PLIN5: variants seen among roughly 807,000 people sequenced by gnomAD.
PLIN5 encodes the protein perilipin-5.
A neutral mutation model predicts 32.8 loss-of-function variants in PLIN5; 34 were observed. That is an observed-to-expected ratio of 1.04 (90% CI 0.79 to 1.38). The LOEUF is 1.38. Ranked by LOEUF, PLIN5 falls within the 40% of genes most tolerant of loss-of-function variation. The pLI, the probability that PLIN5 is intolerant of heterozygous loss-of-function variation, is 0.00. For missense variants in PLIN5, 712 were observed against 660.5 expected (o/e 1.08, Z -0.85); for synonymous variants, 309 against 292.9 (o/e 1.05, Z -0.56).
In PLIN5 at chr19:4,527,599, G is replaced by C. The variant is rs976913449; in HGVS notation, c.520+1474C>G. ...GGTTGGGCGTGGTGGACTCACGCTT[G>C]TAATCCCAGCACTTTGGGAAGTCAA... On this transcript the variant is annotated intron_variant, in intron 5 of 7. Coordinates refer to ENST00000381848, the MANE Select transcript of PLIN5 (RefSeq NM_001013706.3). 3.6e-5 allele frequency among the ~76,000 whole-genome samples: 5 copies of C among 139,818 alleles called. No homozygotes were observed. The Admixed American group carries it at 3.7e-4, about 10-fold the overall frequency. The allele number at this position is 139,818 out of a possible 152,430, so 91.7% of individuals were successfully genotyped here. A position where few individuals can be genotyped will look rare whatever the true frequency, so the allele number is the denominator to read the frequency against.
In PLIN5 at chr19:4,523,614, C is replaced by CCA; in HGVS notation, c.1304_1305dup (p.Gly436TrpfsTer23). ...TGCTCGCAGATGTCCCCGGCAACAC[C>CCA]CATCCTGTCCCCATCCCCATTCCCA... is the stretch of plus-strand genomic sequence containing the variant. On this transcript the variant is annotated frameshift_variant, in exon 8 of 8. Transcript: ENST00000381848. LOFTEE classifies it low-confidence loss of function (END_TRUNC). This position sits in a 1 kb window ranked among gnomAD's most constrained non-coding sequence, Gnocchi z 5.0. 1 of 1,609,912 alleles carries CCA rather than the reference C, an allele frequency of 6.2e-7. No individual in the cohort carries two copies. Among genetic ancestry groups the CCA allele is most frequent in the South Asian group, 1.1e-5 (1 of 90,050 alleles).
At chr19:4,524,274 G>A (rs1323332933) in intron 7 of PLIN5, among the ~76,000 whole-genome samples, 189 bp from the exon 8 acceptor site, 1 of 152,176 alleles carries the variant, frequency 6.6e-6, no homozygotes, top group African/African-American at 2.4e-5. Flanking sequence ...CAATGGGGCC[G>A]GTCGCGGTGG....
At chr19:4,531,433 A>C (rs1027648524) in intron 3 of PLIN5, among the ~76,000 whole-genome samples, 194 bp downstream of exon 3, 2 of 152,134 alleles carry the variant, frequency 1.3e-5, no homozygotes, top group Non-Finnish European at 1.5e-5. Context: ...ATGAGCCACC[A>C]TGCCTGGCTG....
rs774839369 is a variant in PLIN5, at chr19:4,525,079, G to A, written c.721-3C>T. 3.0e-6 allele frequency: 4 copies of A among 1,316,928 alleles called. 1 individual carries two copies. The Admixed American group carries it at 1.1e-4, about 36-fold the overall frequency. 81.6% of individuals were successfully genotyped at this position (1,316,928 alleles called of 1,614,324 possible). A position where few individuals can be genotyped will look rare whatever the true frequency, so the allele number is the denominator to read the frequency against. ...ACCCCACACTGCATGTGGTCTATCT[G>A]CAAGGACAGAAATGGTGGTCTTCAG... On this transcript the variant is annotated splice_polypyrimidine_tract_variant and splice_region_variant and intron_variant, in intron 6 of 7. Coordinates refer to ENST00000381848, the MANE Select transcript of PLIN5 (RefSeq NM_001013706.3). This position sits in a 1 kb window ranked among gnomAD's most constrained non-coding sequence, Gnocchi z 5.6.
chr19:4,534,601 G>C (rs923979802), intron 1 of PLIN5, among the ~76,000 whole-genome samples: 5 of 152,074 alleles, frequency 3.3e-5, no homozygotes, highest in African/African-American at 9.7e-5. Context: ...AAACTCCTGG[G>C]CTCAAGTGAT....
intron 4 of PLIN5, 31 bp from the exon 5 acceptor site, chr19:4,529,284 C>T: frequency 6.4e-7 from 1 of 1,558,350 alleles, no homozygotes; most frequent in Non-Finnish European, 8.7e-7. Flanking sequence ...ACTCCAGGCA[C>T]CGTGGGACTC....
chr19:4,529,098 GA>G lies in PLIN5; in HGVS notation c.494del (p.Phe165SerfsTer4). On this transcript the variant is annotated frameshift_variant, in exon 5 of 8. Transcript: ENST00000381848. LOFTEE classifies it high-confidence loss of function. ...LEKSEELVDH[F>X]LPMTEEELAA... ...CGAGCTCTTCCTCCGTCATGGGCAG[GA>G]AGTGATCCACCAGCTCCTCTGATTT... The G allele has an allele frequency of 6.2e-7, 1 of 1,613,360 alleles. No homozygotes were observed. The highest frequency in any genetic ancestry group is 8.5e-7 in the Non-Finnish European group (1 of 1,179,990).
intron 3 of PLIN5, among the ~76,000 whole-genome samples, chr19:4,530,640 G>A (rs1485873376): frequency 6.6e-6 from 1 of 152,136 alleles, no homozygotes; most frequent in African/African-American, 2.4e-5. Context: ...GGCCCCACCA[G>A]TAAACAGGTA....
chr19:4,531,624 C>G lies in PLIN5; in HGVS notation c.256+3G>C. On this transcript the variant is annotated splice_donor_region_variant and intron_variant, in intron 3 of 7. Transcript: ENST00000381848. Reference sequence around the variant, plus strand: ...TCCCAGGGACACGGGCCAGGGCACTCACGCTGGGGCTGCAGGTGCTCGAGC... The same window carrying G: ...TCCCAGGGACACGGGCCAGGGCACTGACGCTGGGGCTGCAGGTGCTCGAGC... The G allele has an allele frequency of 6.6e-7, 1 of 1,510,634 alleles. No individual in the cohort carries two copies. The highest frequency in any genetic ancestry group is 1.3e-5 in the South Asian group (1 of 79,716). 93.6% of individuals were successfully genotyped at this position (1,510,634 alleles called of 1,614,324 possible).
chr19:4,534,916 G>T (rs368899837), intron 1 of PLIN5, among the ~76,000 whole-genome samples: 2 of 152,192 alleles, frequency 1.3e-5, no homozygotes, highest in East Asian at 3.8e-4. Context: ...GAGTTACAGG[G>T]GGGGAGCTCG....
intron 1 of PLIN5, among the ~76,000 whole-genome samples, chr19:4,534,651 A>T (rs1362213668): frequency 1.3e-5 from 2 of 152,180 alleles, no homozygotes; most frequent in Non-Finnish European, 2.9e-5. Flanking sequence ...GATTACAGGC[A>T]TGAGACACTG....
At chr19:4,533,551 C>A in intron 2 of PLIN5, 1 of 215,426 alleles carries the variant, frequency 4.6e-6, no homozygotes, top group Non-Finnish European at 9.1e-6. Flanking sequence ...GTTGTGTGAA[C>A]TTGGGCAAGC....
chr19:4,525,023 C>A lies in PLIN5; in HGVS notation c.774G>T (p.Lys258Asn), dbSNP rs1401543169. The A allele has an allele frequency of 6.7e-7, 1 of 1,493,516 alleles. No homozygotes were observed. The allele number at this position is 1,493,516 out of a possible 1,614,324, so 92.5% of individuals were successfully genotyped here. Reference protein sequence around the residue: ...VTPTAPACPGKVHELWGEWGQ... With the variant: ...VTPTAPACPGNVHELWGEWGQ... ...CCCATTCCCCCCACAGCTCGTGCAC[C>A]TTCCCAGGGCAGGCCGGGGCGGTGG... Residue 258 changes from lysine (K) to asparagine (N), a missense_variant, in exon 7 of 8, where the codon AAG becomes AAT. Lys to Asn is a moderately conservative substitution (Grantham distance 94, BLOSUM62 0). Transcript: ENST00000381848. The surrounding 1 kb of genome is among the most constrained non-coding windows in gnomAD (Gnocchi z 5.6).
At chr19:4,530,986 G>GT (rs774315092) in intron 3 of PLIN5, among the ~76,000 whole-genome samples, 115 of 145,978 alleles carry the variant, frequency 7.9e-4, no homozygotes, top group Non-Finnish European at 1.4e-3. Context: ...CAGGGGATCA[G>GT]TTTTTTTTGT....
At chr19:4,535,126 C>T (rs966069472) in intron 1 of PLIN5, 39 bp downstream of exon 1, 1 of 152,060 alleles carries the variant, frequency 6.6e-6, no homozygotes, top group African/African-American at 2.4e-5. Flanking sequence ...CTCCTAAGCC[C>T]GGGGGGGCGC....
chr19:4,529,587 CTATACGTATATACATATATGTAT>C (rs1976855814), intron 4 of PLIN5, 174 bp downstream of exon 4: 3 of 506,980 alleles, frequency 5.9e-6, no homozygotes, highest in Non-Finnish European at 1.1e-5. Context: ...CATATATACA[CTATACGTATATACATATATGTAT>C]ACACACACAC....
rs1976787241 is a variant in PLIN5, at chr19:4,525,299, G to A, written c.721-223C>T. 6.6e-6 allele frequency among the ~76,000 whole-genome samples: 1 copy of A among 152,176 alleles called. No homozygotes were observed. Among genetic ancestry groups the A allele is most frequent in the South Asian group, 2.1e-4 (1 of 4,834 alleles). On this transcript the variant is annotated intron_variant, in intron 6 of 7. Transcript: ENST00000381848. The surrounding 1 kb of genome is among the most constrained non-coding windows in gnomAD (Gnocchi z 5.6). The stretch of plus-strand genomic sequence containing the variant: ...AGACCTGACTCAGGGGCTCACAGGT[G>A]CCCTCTGGTGGCTGCTGCGGGGAGG...
Position 4,525,984 on chromosome 19 carries a change from C to A in PLIN5, c.521-152G>T, listed in dbSNP as rs1252775876. 1 of 759,418 alleles carries A rather than the reference C, an allele frequency of 1.3e-6. No homozygotes were observed. Among genetic ancestry groups the A allele is most frequent in the Admixed American group, 2.6e-5 (1 of 38,922 alleles). The allele number at this position is 759,418 out of a possible 1,614,324, so 47.0% of individuals were successfully genotyped here. A position where few individuals can be genotyped will look rare whatever the true frequency, so the allele number is the denominator to read the frequency against. On this transcript the variant is annotated intron_variant, in intron 5 of 7. Coordinates refer to ENST00000381848, the MANE Select transcript of PLIN5 (RefSeq NM_001013706.3). This position sits in a 1 kb window ranked among gnomAD's most constrained non-coding sequence, Gnocchi z 5.6. ...GACAGCATGGGGTCAGCACAGCCAC[C>A]CACCCCCTCCACATCTGCTCACCCA...
chr19:4,533,669 A>T, intron 2 of PLIN5: 1 of 479,040 alleles, frequency 2.1e-6, no homozygotes, highest in Non-Finnish European at 3.7e-6. Flanking sequence ...ACTGTGACTG[A>T]TACAGTGATT....
Sources: gnomAD v4.1 joint callset for allele counts (sites outside exome capture counted in the v4.1 genomes callset) on GRCh38, gnomAD v4.1.1 for gene constraint, Gnocchi (gnomAD v3.1) non-coding constraint, MANE v1.5 for transcripts, NCBI Gene and HGNC (gene_info 2026-07-23, HGNC 2026-07-21) for gene names.